NRG1: variants seen among roughly 807,000 people sequenced by gnomAD.
The protein encoded by NRG1 is pro-neuregulin-1, membrane-bound isoform.
A neutral mutation model predicts 63.8 loss-of-function variants in NRG1; 18 were observed. The observed-to-expected ratio is 0.28, with a 90% CI of 0.19 to 0.42. The LOEUF (loss-of-function observed/expected upper bound fraction) is 0.42, where lower values mean the gene tolerates loss of function less well. Ranked by LOEUF, NRG1 falls within the 10% of genes least tolerant of loss-of-function variation. The pLI, the probability that NRG1 is intolerant of heterozygous loss-of-function variation, is 1.00. For missense variants in NRG1, 762 were observed against 814.7 expected (o/e 0.94, Z 0.79); for synonymous variants, 302 against 301.3 (o/e 1.00, Z -0.02).
chr8:32,434,753 G>A (rs1389416987), intron 1 of NRG1, among the ~76,000 whole-genome samples: 1 of 151,778 alleles, frequency 6.6e-6, no homozygotes, highest in East Asian at 1.9e-4. Context: ...CCCATATCTG[G>A]GGATTCTACA....
chr8:32,366,653 T>TAGTGTGTGTG (rs752372898), intron 1 of NRG1, among the ~76,000 whole-genome samples: 4 of 101,972 alleles, frequency 3.9e-5, no homozygotes, highest in African/African-American at 1.5e-4. Flanking sequence ...GTAATATATA[T>TAGTGTGTGTG]TGTGTGTGTG....
intron 1 of NRG1, among the ~76,000 whole-genome samples, chr8:32,018,786 A>G (rs1474866074): frequency 6.6e-6 from 1 of 152,248 alleles, no homozygotes; most frequent in Non-Finnish European, 1.5e-5. Context: ...TGCTATAGGT[A>G]GATGTATATT....
chr8:32,659,399 T>A (rs959842656), intron 5 of NRG1, among the ~76,000 whole-genome samples: 1 of 152,126 alleles, frequency 6.6e-6, no homozygotes, highest in Non-Finnish European at 1.5e-5. Flanking sequence ...CTGCCCACCT[T>A]GGCCTCCCAG....
intron 1 of NRG1, among the ~76,000 whole-genome samples, chr8:32,585,657 GAATTAT>G (rs1841482771): frequency 6.6e-6 from 1 of 151,562 alleles, no homozygotes; most frequent in Non-Finnish European, 1.5e-5. Context: ...TAGTTCAAAA[GAATTAT>G]TTTAACACCA....
At chr8:32,440,277 G>A (rs147850876) in intron 1 of NRG1, among the ~76,000 whole-genome samples, 1 of 152,198 alleles carries the variant, frequency 6.6e-6, no homozygotes, top group Middle Eastern at 3.4e-3. Flanking sequence ...ATGAGGTTTG[G>A]TTGTGGACAC....
chr8:31,804,737 C>T (rs552044120), intron 1 of NRG1, among the ~76,000 whole-genome samples: 1 of 152,222 alleles, frequency 6.6e-6, no homozygotes, highest in African/African-American at 2.4e-5. Flanking sequence ...GCCAAGCAAT[C>T]GGATGAGGCA....
chr8:31,959,509 G>A (rs1586083099), intron 1 of NRG1, among the ~76,000 whole-genome samples: 1 of 152,058 alleles, frequency 6.6e-6, no homozygotes, highest in African/African-American at 2.4e-5. Context: ...ATGGGGAGAG[G>A]TTTAGAATAA....
At chr8:32,513,042 C>A (rs1829394906) in intron 1 of NRG1, among the ~76,000 whole-genome samples, 1 of 151,924 alleles carries the variant, frequency 6.6e-6, no homozygotes, top group South Asian at 2.1e-4. Context: ...AAATTGTGAC[C>A]TTTCTATAAA....
intron 7 of NRG1, among the ~76,000 whole-genome samples, chr8:32,746,505 T>G (rs771528284): frequency 6.6e-6 from 1 of 152,178 alleles, no homozygotes; most frequent in Non-Finnish European, 1.5e-5. Flanking sequence ...GTTCTTTCCT[T>G]TAATGCAATT....
At chr8:31,949,712 G>A (rs1803169990) in intron 1 of NRG1, among the ~76,000 whole-genome samples, 1 of 152,136 alleles carries the variant, frequency 6.6e-6, no homozygotes, top group African/African-American at 2.4e-5. Flanking sequence ...TCTGCCCTGT[G>A]TAGGGGATTT....
chr8:32,344,712 T>C (rs1408654896), intron 1 of NRG1, among the ~76,000 whole-genome samples: 1 of 150,078 alleles, frequency 6.7e-6, no homozygotes, highest in Non-Finnish European at 1.5e-5. Context: ...GCTTCAAAAG[T>C]GCTAGGATTA....
intron 1 of NRG1, among the ~76,000 whole-genome samples, chr8:32,360,328 A>T (rs770932804): frequency 1.3e-5 from 2 of 152,168 alleles, no homozygotes; most frequent in Non-Finnish European, 2.9e-5. Flanking sequence ...AAGCTGAAAG[A>T]AGTTTATTTA....
chr8:31,888,845 A>G (rs1264674163), intron 1 of NRG1, among the ~76,000 whole-genome samples: 1 of 152,140 alleles, frequency 6.6e-6, no homozygotes, highest in Non-Finnish European at 1.5e-5. Context: ...TTTTTAGACT[A>G]ACATATTCAT....
chr8:32,238,695 T>C lies in NRG1; in HGVS notation c.38-357133T>C, dbSNP rs186503760. 5.6e-4 allele frequency among the ~76,000 whole-genome samples: 85 copies of C among 152,290 alleles called. 1 individual carries two copies. Among genetic ancestry groups the C allele is most frequent in the Admixed American group, 1.6e-3 (24 of 15,272 alleles). On this transcript the variant is annotated intron_variant, in intron 1 of 10. Transcript: ENST00000519301. The stretch of plus-strand genomic sequence containing the variant: ...GTAGAGATGACAAAGTTATCAGTTG[T>C]ACTTACATCCACTTTTTTTGTTGTT...
intron 1 of NRG1, among the ~76,000 whole-genome samples, chr8:31,720,357 A>G (rs2131302586): frequency 6.6e-6 from 1 of 152,264 alleles, no homozygotes; most frequent in African/African-American, 2.4e-5. Flanking sequence ...GTACATGTGC[A>G]GGATGTGCAG....
chr8:31,720,233 G>A (rs1812770110), intron 1 of NRG1, among the ~76,000 whole-genome samples: 1 of 151,888 alleles, frequency 6.6e-6, no homozygotes, highest in South Asian at 2.1e-4. Flanking sequence ...TCTATTCCTG[G>A]TGATAGGTGG....
At chr8:32,466,371 C>CAAAAAAAAA (rs35722571) in intron 1 of NRG1, among the ~76,000 whole-genome samples, 2 of 125,100 alleles carry the variant, frequency 1.6e-5, no homozygotes, top group African/African-American at 5.9e-5. Flanking sequence ...ACCTTGACAT[C>CAAAAAAAAA]AAAAAAAAAA....
intron 1 of NRG1, among the ~76,000 whole-genome samples, chr8:31,907,203 G>A (rs1421713015): frequency 7.1e-6 from 1 of 139,944 alleles, no homozygotes; most frequent in South Asian, 2.2e-4. Context: ...GACAGTGAAA[G>A]AATATGATGA....
chr8:32,369,761 C>T (rs1006219034), intron 1 of NRG1, among the ~76,000 whole-genome samples: 1 of 152,120 alleles, frequency 6.6e-6, no homozygotes, highest in Non-Finnish European at 1.5e-5. Flanking sequence ...CCCTTCATTT[C>T]ATTTTCTAAT....
Sources: gnomAD v4.1 joint callset for allele counts (sites outside exome capture counted in the v4.1 genomes callset) on GRCh38, gnomAD v4.1.1 for gene constraint, MANE v1.5 for transcripts, NCBI Gene and HGNC (gene_info 2026-07-23, HGNC 2026-07-21) for gene names.